Variants in INPP4B observed in about 807,000 individuals in gnomAD.
INPP4B encodes inositol polyphosphate 4-phosphatase type II.
INPP4B carries 55 observed loss-of-function variants against 122.5 expected under a neutral mutation model. The ratio of observed to expected loss-of-function variants is 0.45; its 90% CI spans 0.36 to 0.56. The LOEUF (loss-of-function observed/expected upper bound fraction) is 0.56, where lower values mean the gene tolerates loss of function less well. INPP4B is among the 20% of genes least tolerant of loss of function. The pLI is 0.00. For missense variants in INPP4B, 1,000 were observed against 1,097.7 expected (o/e 0.91, Z 1.26); for synonymous variants, 403 against 388.7 (o/e 1.04, Z -0.43).
intron 1 of INPP4B, among the ~76,000 whole-genome samples, chr4:142,844,498 A>G (rs1214518107): frequency 1.3e-5 from 2 of 152,234 alleles, no homozygotes; most frequent in Non-Finnish European, 2.9e-5. Context: ...CATTACTACA[A>G]ATTCACGAGG....
Position 142,257,586 on chromosome 4 carries a change from G to A in INPP4B, c.688+2906C>T, listed in dbSNP as rs549077049. Among the ~76,000 whole-genome samples, 5 of 152,164 alleles carry A rather than the reference G, an allele frequency of 3.3e-5. No individual in the cohort carries two copies. In the East Asian group the frequency reaches 9.7e-4, roughly 29 times the overall value. ...ACAGACAAACAGAGAGCCAAATCAT[G>A]AGTGAACTCCCATTCACAATTGCTT... On this transcript the variant is annotated intron_variant, in intron 11 of 25. Transcript: ENST00000262992.
chr4:142,060,027 A>T (rs1759734266), intron 25 of INPP4B, among the ~76,000 whole-genome samples: 1 of 152,186 alleles, frequency 6.6e-6, no homozygotes, highest in South Asian at 2.1e-4. Flanking sequence ...AGAATTAACC[A>T]CAAATTAGTT....
chr4:142,332,017 A>G (rs1463198029), intron 7 of INPP4B, among the ~76,000 whole-genome samples: 1 of 152,204 alleles, frequency 6.6e-6, no homozygotes, highest in Non-Finnish European at 1.5e-5. Context: ...TTGGAAAATC[A>G]TCCATTAAGG....
intron 1 of INPP4B, among the ~76,000 whole-genome samples, chr4:142,753,785 A>C (rs1770091656): frequency 6.6e-6 from 1 of 152,080 alleles, no homozygotes; most frequent in Non-Finnish European, 1.5e-5. Flanking sequence ...TATGACTATG[A>C]CAAAGAAAAT....
chr4:142,794,244 T>C (rs1229073331), intron 1 of INPP4B, among the ~76,000 whole-genome samples: 1 of 152,032 alleles, frequency 6.6e-6, no homozygotes, highest in Non-Finnish European at 1.5e-5. Context: ...ATTTTTAAGC[T>C]ATAAATAAAG....
At chr4:142,401,432 T>A (rs1801550708) in intron 7 of INPP4B, among the ~76,000 whole-genome samples, 1 of 152,204 alleles carries the variant, frequency 6.6e-6, no homozygotes, top group Non-Finnish European at 1.5e-5. Context: ...TTGCCAGTTT[T>A]AACCCAAATT....
chr4:142,068,825 C>G (rs999421695), intron 25 of INPP4B, among the ~76,000 whole-genome samples: 2 of 152,202 alleles, frequency 1.3e-5, no homozygotes, highest in Admixed American at 1.3e-4. Context: ...CACCCTGATT[C>G]ATAAAGCAAG....
intron 2 of INPP4B, among the ~76,000 whole-genome samples, chr4:142,598,945 C>A (rs970361905): frequency 4.6e-5 from 7 of 152,282 alleles, no homozygotes; most frequent in East Asian, 3.9e-4. Context: ...GGTTGCATGG[C>A]CTCCATGCTC....
chr4:142,811,278 T>C (rs1193229815), intron 1 of INPP4B, among the ~76,000 whole-genome samples: 1 of 152,172 alleles, frequency 6.6e-6, no homozygotes, highest in African/African-American at 2.4e-5. Flanking sequence ...CAGAGGGCAC[T>C]GCTGATGGCA....
rs1039891059 is a variant in INPP4B at position 142,827,455 on chromosome 4, C to T, written c.-254+18754G>A. On this transcript the variant is annotated intron_variant, in intron 1 of 25. Transcript: ENST00000262992. ...AAAAAAGCCAATAATAATTTGTTAC[C>T]ATTCACCAAAAAAGGTGCAATAATA... 7.9e-5 allele frequency among the ~76,000 whole-genome samples: 12 copies of T among 152,150 alleles called. No individual in the cohort carries two copies. In the South Asian group the frequency reaches 8.3e-4, roughly 10 times the overall value.
intron 2 of INPP4B, among the ~76,000 whole-genome samples, chr4:142,495,243 A>G (rs1269937608): frequency 6.6e-6 from 1 of 152,154 alleles, no homozygotes; most frequent in Admixed American, 6.6e-5. Flanking sequence ...CAGAAAAATT[A>G]ATAAATAGGA....
intron 1 of INPP4B, among the ~76,000 whole-genome samples, chr4:142,791,291 T>C (rs1263230496): frequency 6.6e-6 from 1 of 152,158 alleles, no homozygotes; most frequent in Non-Finnish European, 1.5e-5. Flanking sequence ...AATATTGCTG[T>C]TCTATAAGAG....
At chr4:142,660,355 C>T (rs1224791616) in intron 2 of INPP4B, among the ~76,000 whole-genome samples, 3 of 152,074 alleles carry the variant, frequency 2.0e-5, no homozygotes, top group Admixed American at 2.0e-4. Flanking sequence ...GATGGCTACT[C>T]CCCTCTTTCT....
chr4:142,082,309 AG>A, intron 24 of INPP4B, 124 bp from the exon 25 acceptor site: 1 of 740,288 alleles, frequency 1.4e-6, no homozygotes, highest in Non-Finnish European at 2.0e-6. Context: ...AGTTTATGAT[AG>A]TCAATTTGTT....
At chr4:142,129,065 T>C (rs1366874144) in intron 18 of INPP4B, among the ~76,000 whole-genome samples, 1 of 152,218 alleles carries the variant, frequency 6.6e-6, no homozygotes, top group Admixed American at 6.5e-5. Context: ...AGATTGCACA[T>C]GCATTAAACT....
chr4:142,497,368 C>T (rs1580213383), intron 2 of INPP4B, among the ~76,000 whole-genome samples: 3 of 152,084 alleles, frequency 2.0e-5, no homozygotes, highest in Non-Finnish European at 4.4e-5. Flanking sequence ...AATTTTTAGT[C>T]TAATATGTTC....
chr4:142,121,120 T>A (rs965149438), intron 21 of INPP4B, among the ~76,000 whole-genome samples: 1 of 152,100 alleles, frequency 6.6e-6, no homozygotes, highest in Non-Finnish European at 1.5e-5. Flanking sequence ...AATATAGAAT[T>A]GTACTGTTTT....
rs397717604 is a variant in INPP4B at position 142,582,195 on chromosome 4, CAAAA to C, written c.-190-119473_-190-119470del. Among the ~76,000 whole-genome samples the C allele has an allele frequency of 3.5e-3, 499 of 140,956 alleles. 7 individuals are homozygous for C. Among genetic ancestry groups the C allele is most frequent in the East Asian group, 0.019 (93 of 4,884 alleles). The allele number at this position is 140,956 out of a possible 152,430, so 92.5% of individuals were successfully genotyped here. A position where few individuals can be genotyped will look rare whatever the true frequency, so the allele number is the denominator to read the frequency against. ...TGAAAACATAATCATCTAATGGATA[CAAAA>C]AAAAAAAAATCTACTCACAAATGGC... On this transcript the variant is annotated intron_variant, in intron 2 of 25. Transcript: ENST00000262992.
chr4:142,088,953 A>C (rs1192714616), intron 23 of INPP4B, among the ~76,000 whole-genome samples: 1 of 152,208 alleles, frequency 6.6e-6, no homozygotes, highest in Non-Finnish European at 1.5e-5. Context: ...AGCACTGGAC[A>C]ATTCTATAAG....
Sources: allele counts gnomAD v4.1 joint callset (sites outside exome capture counted in the v4.1 genomes callset), GRCh38; gene constraint gnomAD v4.1.1; transcripts MANE v1.5; gene names NCBI Gene and HGNC (gene_info 2026-07-23, HGNC 2026-07-21).